CCDC171: variants seen among roughly 807,000 people sequenced by gnomAD.
The protein encoded by CCDC171 is coiled-coil domain containing 171.
Under a neutral mutation model 168.2 loss-of-function variants are expected in CCDC171, and 177 were observed. The ratio of observed to expected loss-of-function variants is 1.05; its 90% CI spans 0.93 to 1.19. The LOEUF is 1.19. Among genes scored for constraint, CCDC171 ranks in the 50% most tolerant of loss-of-function variants. The probability of loss-of-function intolerance (pLI) is 0.00; values close to 1 mark genes in which losing one functional copy is unlikely to be tolerated. For missense variants in CCDC171, 1,991 were observed against 1,539.0 expected, an observed-to-expected ratio of 1.29 and a Z score of -4.91; for synonymous variants, 687 against 540.8, an observed-to-expected ratio of 1.27 and a Z score of -3.75.
chr9:15,579,142 C>G lies in CCDC171; in HGVS notation c.352+119C>G, dbSNP rs1045275453. ...GGTAAGATTCTGATTCGTTGACTGACTTTTGATGTACAGACTTAGCTGGGT... is the reference window on the plus strand; with the variant it reads ...GGTAAGATTCTGATTCGTTGACTGAGTTTTGATGTACAGACTTAGCTGGGT... On this transcript the variant is annotated intron_variant, in intron 4 of 25. Coordinates refer to ENST00000380701, the MANE Select transcript of CCDC171 (RefSeq NM_173550.4). The G allele has an allele frequency of 6.7e-6, 5 of 745,474 alleles. No individual in the cohort carries two copies. The African/African-American group carries it at 9.1e-5, about 13-fold the overall frequency. The allele number at this position is 745,474 out of a possible 1,614,324, so 46.2% of individuals were successfully genotyped here.
At chr9:15,836,447 G>C (rs982136282) in intron 21 of CCDC171, among the ~76,000 whole-genome samples, 1 of 152,006 alleles carries the variant, frequency 6.6e-6, no homozygotes, top group Non-Finnish European at 1.5e-5. Flanking sequence ...CTTACTGCAA[G>C]CTCCGCCTCC....
chr9:15,799,458 ATTTTAAT>A (rs2058716106), intron 21 of CCDC171, among the ~76,000 whole-genome samples: 1 of 151,214 alleles, frequency 6.6e-6, no homozygotes, highest in African/African-American at 2.4e-5. Flanking sequence ...TTCTTTACAA[ATTTTAAT>A]TTTTAATTTT....
At chr9:15,903,809 A>C (rs1165297824) in intron 24 of CCDC171, among the ~76,000 whole-genome samples, 3 of 152,228 alleles carry the variant, frequency 2.0e-5, no homozygotes, top group African/African-American at 7.2e-5. Flanking sequence ...AACTAGAATA[A>C]CCAATGCAGA....
chr9:15,932,054 C>T (rs10810483), intron 25 of CCDC171, among the ~76,000 whole-genome samples: 48,484 of 151,728 alleles, frequency 0.32, 9,495 homozygotes, highest in East Asian at 0.62. Flanking sequence ...GGCTTTGTTT[C>T]ATTTGCTCAG....
chr9:15,961,628 A>G (rs1267364643), intron 25 of CCDC171, among the ~76,000 whole-genome samples: 1 of 152,200 alleles, frequency 6.6e-6, no homozygotes, highest in Non-Finnish European at 1.5e-5. Flanking sequence ...AAAAACACTT[A>G]AAGACCTATC....
At chr9:16,065,841 T>TGTGTGTGTGTGTGC (rs1015627458), downstream of CCDC171, among the ~76,000 whole-genome samples, 232 of 149,212 alleles carry the variant, frequency 1.6e-3, no homozygotes, top group African/African-American at 5.5e-3. Context: ...TGTGTGTGTG[T>TGTGTGTGTGTGTGC]GTGCTGATTA....
the CCDC171 span, among the ~76,000 whole-genome samples, chr9:16,101,173 G>A: frequency 2.6e-5 from 4 of 152,296 alleles, no homozygotes; most frequent in African/African-American, 9.6e-5. Context: ...AATACATTCT[G>A]CTGCAAGCCA....
intron 21 of CCDC171, among the ~76,000 whole-genome samples, chr9:15,803,058 T>A (rs1253907134): frequency 6.6e-6 from 1 of 152,240 alleles, no homozygotes; most frequent in African/African-American, 2.4e-5. Flanking sequence ...ATGTTTTCTT[T>A]TGAGAAGTGT....
chr9:15,810,623 A>G (rs1233717928), intron 21 of CCDC171, among the ~76,000 whole-genome samples: 3 of 151,984 alleles, frequency 2.0e-5, no homozygotes, highest in Non-Finnish European at 4.4e-5. Context: ...AATCTGGTGC[A>G]CCCTCCGCAG....
intron 10 of CCDC171, among the ~76,000 whole-genome samples, chr9:15,679,861 C>G (rs1366218765): frequency 2.0e-5 from 3 of 152,164 alleles, no homozygotes; most frequent in African/African-American, 7.2e-5. Context: ...CACATCTTTT[C>G]ATATATTCTT....
intron 25 of CCDC171, among the ~76,000 whole-genome samples, chr9:15,957,285 G>T (rs1829895532): frequency 6.6e-6 from 1 of 152,164 alleles, no homozygotes. Flanking sequence ...TGTGGAGCAT[G>T]TTAGGGGCCT....
At chr9:15,581,299 A>T (rs1160142713) in intron 4 of CCDC171, among the ~76,000 whole-genome samples, 1 of 152,152 alleles carries the variant, frequency 6.6e-6, no homozygotes, top group African/African-American at 2.4e-5. Flanking sequence ...ACAAATGGAA[A>T]AATACTTCAC....
chr9:15,724,239 G>C (rs1449778299), intron 13 of CCDC171, among the ~76,000 whole-genome samples: 1 of 152,138 alleles, frequency 6.6e-6, no homozygotes, highest in Admixed American at 6.6e-5. Flanking sequence ...ATTATGCTGA[G>C]TCAACTCTCA....
At chr9:15,824,145 A>G (rs1305486742) in intron 21 of CCDC171, among the ~76,000 whole-genome samples, 4 of 152,024 alleles carry the variant, frequency 2.6e-5, no homozygotes, top group East Asian at 1.9e-4. Flanking sequence ...AACATGACAT[A>G]TTGGCTTTTC....
rs538918762 is a variant in CCDC171 at position 15,666,324 on chromosome 9, G to A, written c.1076+1G>A. ...AAGAGAGCTTTGCAAAACTAAATTT[G>A]TAAGTATTCTATTGTAAAATTCTCT... On this transcript the variant is annotated splice_donor_variant, in intron 9 of 25. Transcript: ENST00000380701. LOFTEE classifies it high-confidence loss of function. The A allele has an allele frequency of 4.1e-5, 66 of 1,599,258 alleles. 2 individuals are homozygous for A. The South Asian group carries it at 6.8e-4, about 17-fold the overall frequency.
At chr9:15,898,701 T>C (rs1446160867) in intron 24 of CCDC171, among the ~76,000 whole-genome samples, 1 of 152,182 alleles carries the variant, frequency 6.6e-6, no homozygotes, top group African/African-American at 2.4e-5. Context: ...TTTTACCCTT[T>C]TATTTTGAAA....
chr9:15,644,372 C>G (rs2046872047), intron 7 of CCDC171, among the ~76,000 whole-genome samples: 1 of 152,148 alleles, frequency 6.6e-6, no homozygotes, highest in South Asian at 2.1e-4. Context: ...GTTCATCTCA[C>G]TGGGGCTTGT....
At chr9:15,605,262 A>G in intron 6 of CCDC171, among the ~76,000 whole-genome samples, 1 of 152,074 alleles carries the variant, frequency 6.6e-6, no homozygotes, top group Non-Finnish European at 1.5e-5. Context: ...ACCTTAAGGA[A>G]GTTTACCTTA....
At chr9:15,711,685 G>T (rs2052677821) in intron 11 of CCDC171, among the ~76,000 whole-genome samples, 1 of 152,168 alleles carries the variant, frequency 6.6e-6, no homozygotes, top group African/African-American at 2.4e-5. Flanking sequence ...ATTGTGGGAG[G>T]AGCTGGGAAA....
Sources: gnomAD v4.1 joint callset for allele counts (sites outside exome capture counted in the v4.1 genomes callset) on GRCh38, gnomAD v4.1.1 for gene constraint, MANE v1.5 for transcripts, NCBI Gene and HGNC (gene_info 2026-07-23, HGNC 2026-07-21) for gene names.